The following NLGN4X variants were observed in gnomAD, a reference collection of about 807,000 sequenced individuals.
NLGN4X encodes neuroligin 4 X-linked, also known as neuroligin-4, X-linked.
Under a neutral mutation model 40.3 loss-of-function variants are expected in NLGN4X, and 3 were observed. That is an observed-to-expected ratio of 0.07 (90% CI 0.03 to 0.19). NLGN4X has a LOEUF of 0.19. NLGN4X is among the 10% of genes least tolerant of loss of function. The pLI is 1.00. For synonymous variants in NLGN4X, 270 were observed against 306.8 expected (o/e 0.88, Z 1.25); for missense variants, 382 against 708.3 (o/e 0.54, Z 5.23).
At chrX:6,133,813 C>G (rs1263113350) in intron 2 of NLGN4X, among the ~76,000 whole-genome samples, 1 of 111,626 alleles carries the variant, frequency 9.0e-6, no homozygotes, top group Admixed American at 9.6e-5. Flanking sequence ...CCACATGCGA[C>G]TTCATGAAGT....
chrX:6,036,147 T>C (rs1048021055), intron 2 of NLGN4X, among the ~76,000 whole-genome samples: 3 of 111,830 alleles, frequency 2.7e-5, no homozygotes, highest in African/African-American at 9.8e-5. Context: ...TTACTATATC[T>C]TTATAGTACC....
At chrX:6,010,860 A>G (rs189826775) in intron 3 of NLGN4X, among the ~76,000 whole-genome samples, 20 of 111,276 alleles carry the variant, frequency 1.8e-4, no homozygotes, top group Admixed American at 9.6e-5. Flanking sequence ...TTTAGGGATT[A>G]CTCATTTTGA....
chrX:6,036,836 A>T (rs1390484183), intron 2 of NLGN4X, among the ~76,000 whole-genome samples: 1 of 112,058 alleles, frequency 8.9e-6, no homozygotes, highest in African/African-American at 3.2e-5. Context: ...TTCTATTATT[A>T]AAATTTAAAT....
chrX:6,107,165 T>C (rs780132972), intron 2 of NLGN4X, among the ~76,000 whole-genome samples: 1 of 112,418 alleles, frequency 8.9e-6, no homozygotes, highest in East Asian at 2.8e-4. Flanking sequence ...TCTGTTTCAC[T>C]TGATCGTTGT....
intron 2 of NLGN4X, among the ~76,000 whole-genome samples, chrX:6,082,314 T>C (rs1008964416): frequency 3.6e-5 from 4 of 109,984 alleles, no homozygotes; most frequent in African/African-American, 1.3e-4. Context: ...CGCAGGTGGA[T>C]TGCTTGAGCC....
At chrX:6,170,749 AT>A (rs1331754310) in intron 1 of NLGN4X, among the ~76,000 whole-genome samples, 3 of 111,712 alleles carry the variant, frequency 2.7e-5, no homozygotes, top group African/African-American at 6.5e-5. Context: ...AGTTTATGCT[AT>A]TTTTTCTTGA....
intron 1 of NLGN4X, among the ~76,000 whole-genome samples, chrX:6,212,754 G>A (rs766009159): frequency 1.8e-5 from 2 of 111,984 alleles, no homozygotes; most frequent in East Asian, 5.6e-4. Flanking sequence ...AGGGCTGAGA[G>A]TTTCTCTAAG....
intron 2 of NLGN4X, among the ~76,000 whole-genome samples, chrX:6,117,649 T>C (rs1254688914): frequency 8.9e-6 from 1 of 112,275 alleles, no homozygotes. Context: ...CTCATCCTTG[T>C]GTTACTGCAC....
At chrX:6,045,873 A>G (rs2037305070) in intron 2 of NLGN4X, among the ~76,000 whole-genome samples, 1 of 111,576 alleles carries the variant, frequency 9.0e-6, no homozygotes, top group African/African-American at 3.3e-5. Flanking sequence ...ATTAAAAAGT[A>G]TTGAGAACTG....
At chrX:5,980,805 A>T (rs899563359) in intron 3 of NLGN4X, among the ~76,000 whole-genome samples, 2 of 111,199 alleles carry the variant, frequency 1.8e-5, no homozygotes, top group Non-Finnish European at 3.8e-5. Context: ...ATAGCTCTAT[A>T]CTAAGTCTTG....
intron 3 of NLGN4X, among the ~76,000 whole-genome samples, chrX:5,981,449 G>GTGTA (rs66908065): frequency 4.9e-4 from 4 of 8,134 alleles, no homozygotes; most frequent in South Asian, 8.1e-3. Context: ...CAAGAAATTG[G>GTGTA]TGTGTTTCAT....
chrX:6,052,199 G>A (rs1304019579), intron 2 of NLGN4X, among the ~76,000 whole-genome samples: 1 of 110,923 alleles, frequency 9.0e-6, no homozygotes, highest in South Asian at 4.0e-4. Flanking sequence ...CTGCCCAGCC[G>A]ACACCTTGAT....
intron 2 of NLGN4X, among the ~76,000 whole-genome samples, chrX:6,072,286 GC>G (rs2038083364): frequency 9.0e-6 from 1 of 111,090 alleles, no homozygotes; most frequent in South Asian, 3.8e-4. Flanking sequence ...TTGACTAATA[GC>G]CCTGCAACTA....
Position 6,113,323 on chromosome X carries a change from T to C in NLGN4X, c.472+37672A>G, listed in dbSNP as rs927659263. On this transcript the variant is annotated intron_variant, in intron 2 of 5. Transcript: ENST00000381095. Reference sequence around the variant, plus strand: ...TGAGGGTGGGGTATAAGGAAAACTCTACACAATCTTCGCCAATTTAGCACA... The same window carrying C: ...TGAGGGTGGGGTATAAGGAAAACTCCACACAATCTTCGCCAATTTAGCACA... 1.6e-4 allele frequency among the ~76,000 whole-genome samples: 18 copies of C among 111,732 alleles called. 1 individual carries two copies.
intron 1 of NLGN4X, among the ~76,000 whole-genome samples, chrX:6,171,357 CCTTTT>C (rs1427940709): frequency 8.9e-6 from 1 of 112,142 alleles, no homozygotes; most frequent in Admixed American, 9.5e-5. Flanking sequence ...TGGCTCATTT[CCTTTT>C]CTTTTATGTA....
chrX:6,138,629 T>C (rs962830624), intron 2 of NLGN4X, among the ~76,000 whole-genome samples: 23 of 111,729 alleles, frequency 2.1e-4, no homozygotes, highest in Middle Eastern at 4.6e-3. Flanking sequence ...TACCATCTAC[T>C]GGGGAGGGCA....
At chrX:6,064,343 A>G (rs1276898963) in intron 2 of NLGN4X, among the ~76,000 whole-genome samples, 1 of 111,929 alleles carries the variant, frequency 8.9e-6, no homozygotes, top group Non-Finnish European at 1.9e-5. Flanking sequence ...TCTTTCACAG[A>G]TGGACACATG....
At chrX:5,980,071 T>G (rs190173754) in intron 3 of NLGN4X, among the ~76,000 whole-genome samples, 2 of 106,875 alleles carry the variant, frequency 1.9e-5, no homozygotes, top group Non-Finnish European at 3.8e-5. Flanking sequence ...ATATGTGTAG[T>G]ATACTGTATG....
chrX:6,018,185 T>C (rs1039726212), intron 3 of NLGN4X, among the ~76,000 whole-genome samples: 1 of 111,097 alleles, frequency 9.0e-6, no homozygotes, highest in Non-Finnish European at 1.9e-5. Context: ...TATACACACA[T>C]AGATTATACA....
Sources: gnomAD v4.1 joint callset for allele counts (sites outside exome capture counted in the v4.1 genomes callset) on GRCh38, gnomAD v4.1.1 for gene constraint, MANE v1.5 for transcripts, NCBI Gene and HGNC (gene_info 2026-07-23, HGNC 2026-07-21) for gene names.